Variants in ROBO2 observed in about 807,000 individuals in gnomAD.
ROBO2 encodes the protein roundabout guidance receptor 2.
A neutral mutation model predicts 160.8 loss-of-function variants in ROBO2; 53 were observed. The observed-to-expected ratio is 0.33, with a 90% CI of 0.26 to 0.41. ROBO2 has a LOEUF of 0.41. Ranked by LOEUF, ROBO2 falls within the 10% of genes least tolerant of loss-of-function variation. The pLI, the probability that ROBO2 is intolerant of heterozygous loss-of-function variation, is 1.00. For missense variants in ROBO2, 1,577 were observed against 1,722.4 expected (o/e 0.92, Z 1.49); for synonymous variants, 664 against 611.7 (o/e 1.09, Z -1.26).
intron 2 of ROBO2, among the ~76,000 whole-genome samples, chr3:76,469,440 G>A (rs181697355): frequency 2.6e-5 from 4 of 151,992 alleles, no homozygotes; most frequent in East Asian, 1.9e-4. Context: ...TCCCAAACCC[G>A]TTTGATGAGT....
At chr3:77,077,897 A>T (rs2068179583) in intron 1 of ROBO2, among the ~76,000 whole-genome samples, 2 of 152,104 alleles carry the variant, frequency 1.3e-5, no homozygotes, top group South Asian at 4.1e-4. Context: ...AGGATTGTGA[A>T]AGTGGGCTTT....
intron 2 of ROBO2, among the ~76,000 whole-genome samples, chr3:76,443,608 T>C (rs1317003933): frequency 6.6e-6 from 1 of 152,196 alleles, no homozygotes; most frequent in African/African-American, 2.4e-5. Context: ...CTGCAGGGTC[T>C]ACCATGTACA....
intron 2 of ROBO2, among the ~76,000 whole-genome samples, chr3:76,685,510 T>C (rs1367453527): frequency 6.6e-6 from 1 of 152,162 alleles, no homozygotes; most frequent in African/African-American, 2.4e-5. Flanking sequence ...TTTCTAGTTT[T>C]CCAATGGAGT....
chr3:76,067,172 G>A (rs1190968299), intron 2 of ROBO2, among the ~76,000 whole-genome samples: 1 of 152,108 alleles, frequency 6.6e-6, no homozygotes, highest in African/African-American at 2.4e-5. Flanking sequence ...AATCAGAAAT[G>A]TGATCACAGG....
intron 2 of ROBO2, among the ~76,000 whole-genome samples, chr3:76,765,429 T>G (rs868278989): frequency 6.6e-6 from 1 of 151,592 alleles, no homozygotes; most frequent in Non-Finnish European, 1.5e-5. Context: ...ATACTCCTAC[T>G]GTTGAGATGT....
chr3:77,286,029 TAACACATGTTGCTGTTATTTTGTGCA>T (rs1263676522), intron 2 of ROBO2, among the ~76,000 whole-genome samples: 1 of 152,138 alleles, frequency 6.6e-6, no homozygotes, highest in Admixed American at 6.6e-5. Flanking sequence ...TTCTCAGAGG[TAACACATGTTGCTGTTATTTTGTGCA>T]AACTTTCATT....
At chr3:76,184,964 T>C (rs1701675161) in intron 2 of ROBO2, among the ~76,000 whole-genome samples, 1 of 151,806 alleles carries the variant, frequency 6.6e-6, no homozygotes, top group Admixed American at 6.6e-5. Context: ...GGCTCTTCTC[T>C]ACCTAGTCCA....
chr3:76,791,604 G>A (rs2063358940), intron 2 of ROBO2, among the ~76,000 whole-genome samples: 1 of 151,282 alleles, frequency 6.6e-6, no homozygotes, highest in African/African-American at 2.4e-5. Context: ...CTCTAATCAA[G>A]CTTCAGAGGC....
chr3:76,318,954 A>G (rs2072279564), intron 2 of ROBO2, among the ~76,000 whole-genome samples: 1 of 152,168 alleles, frequency 6.6e-6, no homozygotes, highest in Non-Finnish European at 1.5e-5. Flanking sequence ...TTGGTCAATC[A>G]AGACTGGGGA....
In ROBO2 at chr3:76,947,190, G is replaced by A. The variant is rs1274924436; in HGVS notation, c.110-150824G>A. 2.6e-5 allele frequency among the ~76,000 whole-genome samples: 4 copies of A among 152,016 alleles called. No individual in the cohort carries two copies. In the East Asian group the frequency reaches 7.7e-4, roughly 29 times the overall value. On this transcript the variant is annotated intron_variant, in intron 2 of 26. Coordinates refer to the ROBO2 transcript ENST00000487694. Reference sequence around the variant, plus strand: ...AAATGAGGTTTACATTAGAATAATAGTCCCAGAAATAGTATCTATAAAAAA... The same window carrying A: ...AAATGAGGTTTACATTAGAATAATAATCCCAGAAATAGTATCTATAAAAAA...
intron 6 of ROBO2, among the ~76,000 whole-genome samples, chr3:77,528,596 G>A (rs186590639): frequency 3.1e-4 from 47 of 151,698 alleles, no homozygotes; most frequent in African/African-American, 1.1e-3. Context: ...TATCCTCAGT[G>A]ACCTCCTCTA....
At chr3:75,965,473 A>G (rs74891313) in intron 2 of ROBO2, among the ~76,000 whole-genome samples, 4 of 4,492 alleles carry the variant, frequency 8.9e-4, no homozygotes, top group Admixed American at 0.02. Flanking sequence ...ACACGTGCGC[A>G]GGGATCTTTG....
intron 2 of ROBO2, among the ~76,000 whole-genome samples, chr3:76,567,321 T>A (rs2084591811): frequency 6.6e-6 from 1 of 152,144 alleles, no homozygotes. Flanking sequence ...ATTTTTGACA[T>A]CATATTCATA....
At chr3:77,634,153 A>G (rs1325164125) in intron 23 of ROBO2, 1 of 152,190 alleles carries the variant, frequency 6.6e-6, no homozygotes, top group Non-Finnish European at 1.5e-5. Flanking sequence ...ACTCTAAACC[A>G]CAAGAAAAGG....
intron 2 of ROBO2, among the ~76,000 whole-genome samples, chr3:76,264,809 G>T (rs762993319): frequency 6.6e-6 from 1 of 152,202 alleles, no homozygotes; most frequent in South Asian, 2.1e-4. Flanking sequence ...CCTCAGGAAT[G>T]ATTAAAGTGG....
intron 2 of ROBO2, among the ~76,000 whole-genome samples, chr3:76,878,315 TAAATG>T (rs1484345097): frequency 6.6e-6 from 1 of 152,178 alleles, no homozygotes; most frequent in Non-Finnish European, 1.5e-5. Context: ...CAGCTAATGT[TAAATG>T]AAATGAAATA....
chr3:76,257,435 A>G (rs943859694), intron 2 of ROBO2, among the ~76,000 whole-genome samples: 6 of 152,148 alleles, frequency 3.9e-5, no homozygotes, highest in Non-Finnish European at 8.8e-5. Context: ...ATATAAATGC[A>G]TTGACTAAAT....
chr3:76,655,603 G>A (rs1181246453), intron 2 of ROBO2, among the ~76,000 whole-genome samples: 3 of 148,210 alleles, frequency 2.0e-5, no homozygotes, highest in Non-Finnish European at 4.5e-5. Context: ...TTGAGTTAGG[G>A]TATGGATTCA....
At position 76,740,613 on chromosome 3, in the gene ROBO2, A is replaced by G. The variant is rs557521134; in HGVS notation, c.110-357401A>G. 6.6e-5 allele frequency among the ~76,000 whole-genome samples: 10 copies of G among 152,256 alleles called. No homozygotes were observed. The East Asian group carries it at 7.7e-4, about 12-fold the overall frequency. ...AAGCTTTGACTTTGATGACTAATGG[A>G]TGTTAATTATCATGACAGTGACATT... On this transcript the variant is annotated intron_variant, in intron 2 of 26. Transcript: ENST00000487694.
Sources: gnomAD v4.1 joint callset for allele counts (sites outside exome capture counted in the v4.1 genomes callset) on GRCh38, gnomAD v4.1.1 for gene constraint, MANE v1.5 for transcripts, NCBI Gene and HGNC (gene_info 2026-07-23, HGNC 2026-07-21) for gene names.